The following RABGAP1L variants were observed in gnomAD, a reference collection of about 807,000 sequenced individuals.
RABGAP1L encodes the protein rab GTPase-activating protein 1-like.
RABGAP1L carries 63 observed loss-of-function variants against 137.7 expected under a neutral mutation model. That is an observed-to-expected ratio of 0.46 (90% CI 0.37 to 0.56). The LOEUF is 0.56. Among genes scored for constraint, RABGAP1L ranks in the 20% least tolerant of loss-of-function variants. RABGAP1L has a pLI of 0.00. For synonymous variants in RABGAP1L, 431 were observed against 433.7 expected, an observed-to-expected ratio of 0.99 and a Z score of 0.08; for missense variants, 1,095 against 1,244.0, an observed-to-expected ratio of 0.88 and a Z score of 1.80.
chr1:174,296,632 G>A (rs904428112), intron 10 of RABGAP1L, among the ~76,000 whole-genome samples: 1 of 152,150 alleles, frequency 6.6e-6, no homozygotes, highest in Non-Finnish European at 1.5e-5. Context: ...GAAGACAGCT[G>A]AAAGAAAAAT....
chr1:174,204,917 A>C (rs1591944), intron 1 of RABGAP1L, among the ~76,000 whole-genome samples: 44,822 of 152,014 alleles, frequency 0.29, 7,033 homozygotes, highest in African/African-American at 0.37. Context: ...TCTGAGGCCT[A>C]CCAGCCATGC....
At chr1:174,693,482 C>T (rs332763) in intron 15 of RABGAP1L, among the ~76,000 whole-genome samples, 60,082 of 152,080 alleles carry the variant, frequency 0.4, 15,039 homozygotes, top group African/African-American at 0.71. Context: ...CCACTTTTTA[C>T]TGTTGTCTGT....
At chr1:174,565,250 C>T (rs908679475) in intron 13 of RABGAP1L, among the ~76,000 whole-genome samples, 5 of 152,160 alleles carry the variant, frequency 3.3e-5, no homozygotes, top group Non-Finnish European at 5.9e-5. Context: ...TCTAATCTAA[C>T]AGATGTCTTC....
chr1:174,205,997 C>G (rs1571543971), intron 1 of RABGAP1L, among the ~76,000 whole-genome samples: 1 of 152,182 alleles, frequency 6.6e-6, no homozygotes, highest in Admixed American at 6.5e-5. Context: ...TTGGTTAAGA[C>G]CCTTTTTCTT....
At chr1:174,397,793 A>G (rs1048584982) in intron 13 of RABGAP1L, among the ~76,000 whole-genome samples, 3 of 152,146 alleles carry the variant, frequency 2.0e-5, no homozygotes, top group Admixed American at 1.3e-4. Flanking sequence ...TTTGTTCAAG[A>G]CTTCTGACAT....
chr1:174,688,581 C>A (rs922570630), intron 15 of RABGAP1L, among the ~76,000 whole-genome samples: 1 of 152,052 alleles, frequency 6.6e-6, no homozygotes, highest in Non-Finnish European at 1.5e-5. Context: ...AATTTACGCA[C>A]TTGTACATCA....
intron 13 of RABGAP1L, among the ~76,000 whole-genome samples, chr1:174,452,700 T>C (rs955017052): frequency 6.6e-6 from 1 of 152,160 alleles, no homozygotes; most frequent in African/African-American, 2.4e-5. Flanking sequence ...TAGCTGGGAC[T>C]ACAGGCAGCT....
At chr1:174,410,103 C>CCTA (rs1649746319) in intron 13 of RABGAP1L, among the ~76,000 whole-genome samples, 5 of 152,268 alleles carry the variant, frequency 3.3e-5, no homozygotes, top group Middle Eastern at 3.4e-3. Context: ...TTAATAAAAA[C>CCTA]CTACTGGTTT....
intron 11 of RABGAP1L, among the ~76,000 whole-genome samples, chr1:174,369,577 G>C (rs1684929902): frequency 6.6e-6 from 1 of 152,166 alleles, no homozygotes; most frequent in African/African-American, 2.4e-5. Context: ...GTTTACATGG[G>C]ATAGTTCCTC....
At chr1:174,172,551 G>C (rs1458551473) in intron 1 of RABGAP1L, among the ~76,000 whole-genome samples, 8 of 152,174 alleles carry the variant, frequency 5.3e-5, no homozygotes, top group Admixed American at 5.2e-4. Flanking sequence ...ACAGGTGTGA[G>C]GTGATAGCTC....
rs145452525 is a variant in RABGAP1L, at chr1:174,697,274, G to T, written c.1900-2251G>T. On this transcript the variant is annotated intron_variant, in intron 15 of 25. Coordinates refer to ENST00000681986, the MANE Select transcript of RABGAP1L (RefSeq NM_001366446.1). ...TAAGACATTTACTTAGAAAGAGAGA[G>T]ACTTAAGTGAATTAGTATCTCTAGG... is the stretch of plus-strand genomic sequence containing the variant. Among the ~76,000 whole-genome samples, 20 of 152,178 alleles carry T rather than the reference G, an allele frequency of 1.3e-4. 1 individual carries two copies. The East Asian group carries it at 3.7e-3, about 28-fold the overall frequency.
intron 19 of RABGAP1L, among the ~76,000 whole-genome samples, chr1:174,858,965 G>A (rs1367585972): frequency 2.0e-5 from 3 of 152,192 alleles, no homozygotes; most frequent in African/African-American, 7.2e-5. Flanking sequence ...TGATGGGAGT[G>A]TAAATTAGTT....
At chr1:174,639,377 G>A (rs1674341813) in intron 14 of RABGAP1L, among the ~76,000 whole-genome samples, 1 of 152,054 alleles carries the variant, frequency 6.6e-6, no homozygotes, top group African/African-American at 2.4e-5. Context: ...ACAAAAAAAG[G>A]TATATGTTCA....
At chr1:174,824,678 T>G (rs1793318) in intron 19 of RABGAP1L, among the ~76,000 whole-genome samples, 2 of 151,914 alleles carry the variant, frequency 1.3e-5, no homozygotes, top group Admixed American at 1.3e-4. Context: ...CTGAGTAATT[T>G]TTCATATTTT....
chr1:174,393,490 T>C (rs376260599), intron 12 of RABGAP1L, among the ~76,000 whole-genome samples: 156 of 152,240 alleles, frequency 1.0e-3, no homozygotes, highest in African/African-American at 3.4e-3. Flanking sequence ...CCTCCTATAC[T>C]GTGGAGTCTG....
intron 19 of RABGAP1L, among the ~76,000 whole-genome samples, chr1:174,953,221 G>A (rs1894680): frequency 0.37 from 56,530 of 152,010 alleles, 13,872 homozygotes; most frequent in African/African-American, 0.7. Context: ...TATATATTCA[G>A]TCTGAAAGAG....
intron 11 of RABGAP1L, among the ~76,000 whole-genome samples, chr1:174,352,739 A>G (rs1683306106): frequency 6.6e-6 from 1 of 152,152 alleles, no homozygotes; most frequent in Admixed American, 6.5e-5. Flanking sequence ...CATGTATTCA[A>G]TGGGAATTGA....
At chr1:174,216,114 G>A (rs1669300079) in intron 1 of RABGAP1L, among the ~76,000 whole-genome samples, 1 of 152,144 alleles carries the variant, frequency 6.6e-6, no homozygotes, top group Non-Finnish European at 1.5e-5. Context: ...TGTAGATAGA[G>A]AATTAGAACA....
At chr1:174,925,238 G>T (rs1439056293) in intron 19 of RABGAP1L, among the ~76,000 whole-genome samples, 1 of 151,142 alleles carries the variant, frequency 6.6e-6, no homozygotes, top group Non-Finnish European at 1.5e-5. Context: ...GGTGGCGGGC[G>T]CCTGGAGGTT....
Sources: gnomAD v4.1 joint callset for allele counts (sites outside exome capture counted in the v4.1 genomes callset) on GRCh38, gnomAD v4.1.1 for gene constraint, MANE v1.5 for transcripts, NCBI Gene and HGNC (gene_info 2026-07-23, HGNC 2026-07-21) for gene names.